Variants in PCDH12 observed in about 807,000 individuals in gnomAD.
The protein encoded by PCDH12 is protocadherin-12.
Under a neutral mutation model 70.9 loss-of-function variants are expected in PCDH12, and 45 were observed. That is an observed-to-expected ratio of 0.63 (90% confidence interval 0.50 to 0.81). The LOEUF is 0.81. Ranked by LOEUF, PCDH12 falls within the 40% of genes least tolerant of loss-of-function variation. The pLI is 0.00. For missense variants in PCDH12, 1,370 were observed against 1,491.7 expected (o/e 0.92, Z 1.34); for synonymous variants, 567 against 626.0 (o/e 0.91, Z 1.41).
chr5:141,948,825 A>T (rs1753008105), intron 3 of PCDH12, among the ~76,000 whole-genome samples: 1 of 152,180 alleles, frequency 6.6e-6, no homozygotes, highest in South Asian at 2.1e-4. Flanking sequence ...TTGGAGGCTT[A>T]AATGAGATCA....
At position 141,955,556 on chromosome 5, in the gene PCDH12, G is replaced by A; in HGVS notation, c.2296C>T (p.Pro766Ser). ...TCTGCCTTCTGAATGTGTTTCTGGG[G>A]CCTCTTGGGCTGCTGGCGGTAGGTG... Reference protein sequence around the residue: ...ESTYRQQPKRPQKHIQKADIH... With the variant: ...ESTYRQQPKRSQKHIQKADIH... The change falls in exon 1 of 4, where the codon CCC becomes TCC. Residue 766 changes from proline (P) to serine (S), a missense_variant. Pro to Ser is a moderately conservative substitution (Grantham distance 74). Transcript: ENST00000231484. This position sits in a 1 kb window ranked among gnomAD's most constrained non-coding sequence, Gnocchi z 5.5. 6.2e-7 allele frequency: 1 copy of A among 1,614,188 alleles called. No individual in the cohort carries two copies. The highest frequency in any genetic ancestry group is 1.1e-5 in the South Asian group (1 of 91,088).
Position 141,957,785 on chromosome 5 carries a change from C to A in PCDH12, c.67G>T (p.Asp23Tyr), listed in dbSNP as rs1273384465. ...GPGGYLFLLG[D>Y]CQEVTTLTVK... ...GTGAGAGTGGTCACCTCCTGACAAT[C>A]CCCTAAAAGAAATAAGTAGCCACCT... is the stretch of plus-strand genomic sequence containing the variant. The change falls in exon 1 of 4, where the codon GAT becomes TAT. Residue 23 changes from aspartate to tyrosine, a missense_variant. Asp to Tyr is a radical substitution (Grantham distance 160). Transcript: ENST00000231484. The surrounding 1 kb of genome is among the most constrained non-coding windows in gnomAD (Gnocchi z 4.3). The A allele has an allele frequency of 6.2e-7, 1 of 1,607,922 alleles. No homozygotes were observed. Among genetic ancestry groups the A allele is most frequent in the Non-Finnish European group, 8.5e-7 (1 of 1,179,988 alleles).
chr5:141,956,180 C>G lies in PCDH12; in HGVS notation c.1672G>C (p.Ala558Pro), dbSNP rs1370493779. The G allele has an allele frequency of 6.2e-7, 1 of 1,614,094 alleles. No homozygotes were observed. The highest frequency in any genetic ancestry group is 2.2e-5 in the East Asian group (1 of 44,898). The stretch of plus-strand genomic sequence containing the variant: ...ACCACCTCTGGGGCATTATCATTGG[C>G]ATCCAAGAGGCTGACCCACACAGAG... ...SVSVWVSLLD[A>P]NDNAPEVVQP... The change falls in exon 1 of 4, where the codon GCC (alanine) becomes CCC (proline). Residue 558 changes from alanine to proline, a missense_variant. Coordinates refer to ENST00000231484, the MANE Select transcript of PCDH12 (RefSeq NM_016580.4).
In PCDH12 at chr5:141,955,089, G is replaced by A. The variant is rs964316740; in HGVS notation, c.2763C>T (p.Ser921=). 3 of 1,614,102 alleles carry A rather than the reference G, an allele frequency of 1.9e-6. No homozygotes were observed. In the Admixed American group the frequency reaches 5.0e-5, roughly 27 times the overall value. ...RRQRHLNGKV[S]PEKESGPRQI... ...GACGGGGCCCTGATTCTTTCTCAGGGGACACTTTGCCATTGAGATGTCGCT... is the reference window on the plus strand; with the variant it reads ...GACGGGGCCCTGATTCTTTCTCAGGAGACACTTTGCCATTGAGATGTCGCT... Residue 921 remains serine (S), a synonymous_variant, in exon 1 of 4, where the codon TCC becomes TCT. Coordinates refer to ENST00000231484, the MANE Select transcript of PCDH12 (RefSeq NM_016580.4). The surrounding 1 kb of genome is among the most constrained non-coding windows in gnomAD (Gnocchi z 5.5).
rs1470383961 is a variant in PCDH12 at position 141,958,065 on chromosome 5, G to A, written c.-214C>T. ...AAGCGATCTGAGATGTCCAAACGCC[G>A]ATCAAGAATTGCCAGGGGAGACCCC... On this transcript the variant is annotated 5_prime_UTR_variant, in exon 1 of 4. Transcript: ENST00000231484. 10 of 587,772 alleles carry A rather than the reference G, an allele frequency of 1.7e-5. No homozygotes were observed. The highest frequency in any genetic ancestry group is 9.3e-5 in the African/African-American group (5 of 53,818). The allele number at this position is 587,772 out of a possible 1,614,324, so 36.4% of individuals were successfully genotyped here.
rs1300488996 is a variant in PCDH12 at position 141,945,233 on chromosome 5, G to T, written c.*148C>A. On this transcript the variant is annotated 3_prime_UTR_variant, in exon 4 of 4. Transcript: ENST00000231484. ...TGGTCAGTCAGCTGTTAGTCCTGGG[G>T]CTCTTGCCTCCTCTGTGGGGGTAGC... is the stretch of plus-strand genomic sequence containing the variant. 1.1e-6 allele frequency: 1 copy of T among 945,010 alleles called. No homozygotes were observed. The highest frequency in any genetic ancestry group is 1.6e-6 in the Non-Finnish European group (1 of 626,494). 58.5% of individuals were successfully genotyped at this position (945,010 alleles called of 1,614,324 possible). A position where few individuals can be genotyped will look rare whatever the true frequency, so the allele number is the denominator to read the frequency against.
Position 141,957,885 on chromosome 5 carries a change from C to T in PCDH12, c.-34G>A, listed in dbSNP as rs1438132485. ...CCAAGTGGGCTAGATTCAGAAACCA[C>T]TAGAGTTCTTTCAAGGCTGGACAAG... On this transcript the variant is annotated 5_prime_UTR_variant, in exon 1 of 4. In the 5' UTR this introduces an upstream ATG that the reference lacks. Transcript: ENST00000231484. The surrounding 1 kb of genome is among the most constrained non-coding windows in gnomAD (Gnocchi z 4.3). 4.4e-6 allele frequency: 7 copies of T among 1,573,870 alleles called. No homozygotes were observed. Among genetic ancestry groups the T allele is most frequent in the Non-Finnish European group, 6.0e-6 (7 of 1,165,790 alleles).
Position 141,956,620 on chromosome 5 carries a change from A to T in PCDH12, c.1232T>A (p.Met411Lys). 2.5e-6 allele frequency: 4 copies of T among 1,614,218 alleles called. No homozygotes were observed. Among genetic ancestry groups the T allele is most frequent in the Non-Finnish European group, 2.5e-6 (3 of 1,180,036 alleles). The change falls in exon 1 of 4, where the codon ATG becomes AAG. Residue 411 changes from methionine to lysine, a missense_variant. Met to Lys is a moderately conservative substitution (Grantham distance 95, BLOSUM62 -1). Coordinates refer to ENST00000231484, the MANE Select transcript of PCDH12 (RefSeq NM_016580.4). ...RLKRTNGNTY[M>K]LLTNATLDRE... ...GTCCAGTGTGGCATTGGTTAGCAAC[A>T]TGTATGTGTTGCCATTAGTTCTTTT... is the stretch of plus-strand genomic sequence containing the variant.
At position 141,956,951 on chromosome 5, in the gene PCDH12, T is replaced by C. The variant is rs1753195006; in HGVS notation, c.901A>G (p.Thr301Ala). Residue 301 changes from threonine to alanine, a missense_variant, in exon 1 of 4, where the codon ACA becomes GCA. Physicochemically the swap from Thr to Ala is moderately conservative, Grantham distance 58 (BLOSUM62 0). Coordinates refer to ENST00000231484, the MANE Select transcript of PCDH12 (RefSeq NM_016580.4). ...VLDTFSIDAK[T>A]GQVILRRPLD... ...GGTCGACGCAGAATGACCTGGCCTG[T>C]CTTGGCATCAATACTGAAGGTGTCC... The C allele has an allele frequency of 1.2e-6, 2 of 1,614,054 alleles. No homozygotes were observed. Among genetic ancestry groups the C allele is most frequent in the Non-Finnish European group, 1.7e-6 (2 of 1,180,036 alleles).
chr5:141,948,796 A>G (rs1445430183), intron 3 of PCDH12, among the ~76,000 whole-genome samples: 1 of 152,148 alleles, frequency 6.6e-6, no homozygotes, highest in Non-Finnish European at 1.5e-5. Context: ...GGTAATAATT[A>G]TCTACTTGAG....
At chr5:141,954,841 C>T in intron 1 of PCDH12, 131 bp downstream of exon 1, 3 of 1,234,150 alleles carry the variant, frequency 2.4e-6, no homozygotes, top group Admixed American at 2.3e-5. Context: ...ACCATTGCTA[C>T]CCAAAGCATC....
chr5:141,947,158 G>C (rs1190870118), intron 3 of PCDH12, among the ~76,000 whole-genome samples: 1 of 152,236 alleles, frequency 6.6e-6, no homozygotes, highest in African/African-American at 2.4e-5. Context: ...ACTGATAAAT[G>C]AATCTCTGCC....
Position 141,945,079 on chromosome 5 carries a change from C to T in PCDH12, c.*302G>A. 2 of 383,068 alleles carry T rather than the reference C, an allele frequency of 5.2e-6. No homozygotes were observed. Among genetic ancestry groups the T allele is most frequent in the South Asian group, 8.9e-5 (2 of 22,554 alleles). 23.7% of individuals were successfully genotyped at this position (383,068 alleles called of 1,614,324 possible). A position where few individuals can be genotyped will look rare whatever the true frequency, so the allele number is the denominator to read the frequency against. ...GCCACCCTTTCCTGCCTGTGATACT[C>T]CGTGGCATCTGTTCTGCCAGAGGAC... is the stretch of plus-strand genomic sequence containing the variant. On this transcript the variant is annotated 3_prime_UTR_variant, in exon 4 of 4. Coordinates refer to ENST00000231484, the MANE Select transcript of PCDH12 (RefSeq NM_016580.4).
intron 3 of PCDH12, among the ~76,000 whole-genome samples, chr5:141,948,434 G>T (rs1408185221): frequency 6.6e-6 from 1 of 152,206 alleles, no homozygotes; most frequent in African/African-American, 2.4e-5. Flanking sequence ...CACAGGGATG[G>T]TCTGCCGTGG....
chr5:141,955,829 T>C lies in PCDH12; in HGVS notation c.2023A>G (p.Ile675Val). 1 of 1,613,968 alleles carries C rather than the reference T, an allele frequency of 6.2e-7. No homozygotes were observed. The highest frequency in any genetic ancestry group is 8.5e-7 in the Non-Finnish European group (1 of 1,179,944). The change falls in exon 1 of 4, where the codon ATA (isoleucine) becomes GTA (valine). Residue 675 changes from isoleucine (I) to valine (V), a missense_variant. Coordinates refer to ENST00000231484, the MANE Select transcript of PCDH12 (RefSeq NM_016580.4). The surrounding 1 kb of genome is among the most constrained non-coding windows in gnomAD (Gnocchi z 5.5). Reference protein sequence around the residue: ...SLIGSEWELEIVVEDQGSPPL... With the variant: ...SLIGSEWELEVVVEDQGSPPL... ...GGGCTTCCCTGGTCCTCTACTACTA[T>C]CTCCAGCTCCCACTCACTCCCAATG... is the stretch of plus-strand genomic sequence containing the variant.
Position 141,945,715 on chromosome 5 carries a change from A to G in PCDH12, c.3221T>C (p.Ile1074Thr), listed in dbSNP as rs144211009. 9.6e-5 allele frequency: 155 copies of G among 1,614,000 alleles called. No homozygotes were observed. The Middle Eastern group carries it at 9.9e-4, about 10-fold the overall frequency. Reference sequence around the variant, plus strand: ...CTCCGTGGCTGCAGCATCCGGGGAGATCACATTGTCACGGTAGTTGGTGGT... The same window carrying G: ...CTCCGTGGCTGCAGCATCCGGGGAGGTCACATTGTCACGGTAGTTGGTGGT... ...PLTTNYRDNV[I>T]SPDAAATEEP... Residue 1074 changes from isoleucine (I) to threonine (T), a missense_variant, in exon 4 of 4, where the codon ATC (isoleucine) becomes ACC (threonine). Transcript: ENST00000231484.
chr5:141,956,045 T>C lies in PCDH12; in HGVS notation c.1807A>G (p.Thr603Ala). 2.5e-6 allele frequency: 4 copies of C among 1,613,960 alleles called. No homozygotes were observed. Among genetic ancestry groups the C allele is most frequent in the South Asian group, 2.2e-5 (2 of 91,070 alleles). Residue 603 changes from threonine (T) to alanine (A), a missense_variant, in exon 1 of 4, where the codon ACT becomes GCT. Thr to Ala is a moderately conservative substitution (Grantham distance 58). Transcript: ENST00000231484. ...ETPNGLGPAG[T>A]DTPPLATHSS... is the part of the protein sequence containing the mutation. ...TGAGTGGCCAGTGGAGGTGTGTCAGTGCCCGCTGGGCCCAAGCCATTGGGA... is the reference window on the plus strand; with the variant it reads ...TGAGTGGCCAGTGGAGGTGTGTCAGCGCCCGCTGGGCCCAAGCCATTGGGA...
chr5:141,946,345 T>G (rs1752928189), intron 3 of PCDH12, among the ~76,000 whole-genome samples: 1 of 152,152 alleles, frequency 6.6e-6, no homozygotes, highest in Non-Finnish European at 1.5e-5. Flanking sequence ...ACCTTTGAGG[T>G]CAAGAGTATT....
chr5:141,952,800 C>G (rs1316209569), intron 1 of PCDH12: 1 of 152,252 alleles, frequency 6.6e-6, no homozygotes, highest in African/African-American at 2.4e-5. Flanking sequence ...TAAAAATCCT[C>G]TGCAAAAGCA....
Sources: allele counts gnomAD v4.1 joint callset (sites outside exome capture counted in the v4.1 genomes callset), GRCh38; gene constraint gnomAD v4.1.1; non-coding constraint Gnocchi (gnomAD v3.1); transcripts MANE v1.5; gene names NCBI Gene and HGNC (gene_info 2026-07-23, HGNC 2026-07-21).